The following TAF4B variants were observed in gnomAD, a reference collection of about 807,000 sequenced individuals.
TAF4B encodes the protein TATA-box binding protein associated factor 4b, also known as transcription initiation factor TFIID subunit 4B.
TAF4B carries 38 observed loss-of-function variants against 86.4 expected under a neutral mutation model. The observed-to-expected ratio is 0.44, with a 90% CI of 0.34 to 0.58. The LOEUF (loss-of-function observed/expected upper bound fraction) is 0.58. Among genes scored for constraint, TAF4B ranks in the 20% least tolerant of loss-of-function variants. TAF4B has a pLI of 0.02. For missense variants in TAF4B, 988 were observed against 1,027.6 expected, an observed-to-expected ratio of 0.96 and a Z score of 0.53; for synonymous variants, 388 against 391.2, an observed-to-expected ratio of 0.99 and a Z score of 0.10.
chr18:26,369,064 G>A (rs1343364118), intron 14 of TAF4B, among the ~76,000 whole-genome samples: 3 of 152,134 alleles, frequency 2.0e-5, no homozygotes, highest in Non-Finnish European at 4.4e-5. Flanking sequence ...ACTAGCCTAA[G>A]AGAGGAAAGA....
chr18:26,257,846 T>C (rs58825032), intron 1 of TAF4B, among the ~76,000 whole-genome samples: 29 of 48,270 alleles, frequency 6.0e-4, no homozygotes, highest in African/African-American at 1.4e-3. Flanking sequence ...TGCGTGCGTG[T>C]GTGTGTGTGT....
chr18:26,242,411 G>A (rs1484680555), intron 1 of TAF4B, among the ~76,000 whole-genome samples: 1 of 152,094 alleles, frequency 6.6e-6, no homozygotes, highest in African/African-American at 2.4e-5. Context: ...TGCAACCCTT[G>A]CCTTTTTTCG....
intron 14 of TAF4B, among the ~76,000 whole-genome samples, chr18:26,380,458 A>T (rs2057470632): frequency 6.6e-6 from 1 of 152,064 alleles, no homozygotes; most frequent in Admixed American, 6.5e-5. Flanking sequence ...TGGTGTTTTC[A>T]TTGTGGTCAG....
intron 7 of TAF4B, 112 bp from the exon 8 acceptor site, chr18:26,292,134 A>G: frequency 8.2e-7 from 1 of 1,214,308 alleles, no homozygotes; most frequent in Non-Finnish European, 1.1e-6. Context: ...TCTTGTTAAG[A>G]TAAAGGTATA....
At chr18:26,376,211 CTTG>C (rs2057441867) in intron 14 of TAF4B, among the ~76,000 whole-genome samples, 1 of 142,440 alleles carries the variant, frequency 7.0e-6, no homozygotes, top group Non-Finnish European at 1.5e-5. Flanking sequence ...TTAGGATCAG[CTTG>C]TTAATTTCAA....
intron 5 of TAF4B, among the ~76,000 whole-genome samples, chr18:26,280,371 A>G (rs1179140811): frequency 6.6e-6 from 1 of 152,216 alleles, no homozygotes; most frequent in African/African-American, 2.4e-5. Flanking sequence ...AACAGAGTAA[A>G]CAGACCACCT....
In TAF4B at chr18:26,286,388, C is replaced by T. The variant is rs2056523649; in HGVS notation, c.1479C>T (p.Thr493=). 6.2e-7 allele frequency: 1 copy of T among 1,614,088 alleles called. No homozygotes were observed. The highest frequency in any genetic ancestry group is 8.5e-7 in the Non-Finnish European group (1 of 1,180,048). Residue 493 remains threonine, a synonymous_variant, in exon 7 of 15, where the codon ACC becomes ACT. Coordinates refer to ENST00000269142, the MANE Select transcript of TAF4B (RefSeq NM_005640.3). The part of the protein sequence containing the change: ...SVKPVVSSAG[T]TSDKPVIGTP... The stretch of plus-strand genomic sequence containing the variant: ...AACCTGTTGTTTCTTCTGCTGGGAC[C>T]ACATCTGACAAGCCTGTTATTGGGA...
rs1357236234 is a variant in TAF4B at position 26,346,795 on chromosome 18, A to ATGTG, written c.2317-10894_2317-10893insGTGT. ...TATATGTGTGTGTATATATATATAT[A>ATGTG]TATGTGTATATATATATATATGTGT... On this transcript the variant is annotated intron_variant, in intron 13 of 14. Coordinates refer to ENST00000269142, the MANE Select transcript of TAF4B (RefSeq NM_005640.3). 4.2e-3 allele frequency among the ~76,000 whole-genome samples: 106 copies of ATGTG among 25,056 alleles called. 13 individuals are homozygous for ATGTG. Among genetic ancestry groups the ATGTG allele is most frequent in the African/African-American group, 9.7e-3 (102 of 10,568 alleles). 16.4% of individuals were successfully genotyped at this position (25,056 alleles called of 152,430 possible).
chr18:26,327,449 G>C (rs976078372), intron 12 of TAF4B, among the ~76,000 whole-genome samples: 1 of 152,200 alleles, frequency 6.6e-6, no homozygotes, highest in African/African-American at 2.4e-5. Context: ...ATGCCAAGTT[G>C]AAGTTGATAG....
At chr18:26,262,834 G>C (rs940163225) in intron 1 of TAF4B, among the ~76,000 whole-genome samples, 1 of 152,092 alleles carries the variant, frequency 6.6e-6, no homozygotes, top group African/African-American at 2.4e-5. Context: ...CACCAGTTAT[G>C]CCTATTTTAC....
Position 26,259,242 on chromosome 18 carries a change from C to G in TAF4B, c.344-5928C>G, listed in dbSNP as rs2056129127. Among the ~76,000 whole-genome samples the G allele has an allele frequency of 5.4e-5, 8 of 148,046 alleles. No individual in the cohort carries two copies. In the South Asian group the frequency reaches 1.7e-3, roughly 32 times the overall value. On this transcript the variant is annotated intron_variant, in intron 1 of 14. Transcript: ENST00000269142. ...ACTAACATTATGCCTATGTTGGTGT[C>G]TTTAATGGTGTTCCATGTTTTCTGA...
chr18:26,303,416 C>T (rs1232157404), intron 9 of TAF4B, among the ~76,000 whole-genome samples: 1 of 113,334 alleles, frequency 8.8e-6, no homozygotes, highest in African/African-American at 3.2e-5. Flanking sequence ...CACTTTCATC[C>T]TCCCTCCACT....
At chr18:26,383,827 A>G (rs985081315) in intron 14 of TAF4B, among the ~76,000 whole-genome samples, 9 of 152,196 alleles carry the variant, frequency 5.9e-5, no homozygotes, top group African/African-American at 2.2e-4. Context: ...AATAAAATGA[A>G]GGTGATAAAG....
intron 13 of TAF4B, among the ~76,000 whole-genome samples, chr18:26,349,970 TCTC>T (rs1164614599): frequency 3.3e-5 from 5 of 152,118 alleles, no homozygotes; most frequent in East Asian, 3.9e-4. Context: ...GAAAGCATGT[TCTC>T]CTCAAAAAAT....
intron 9 of TAF4B, among the ~76,000 whole-genome samples, chr18:26,300,037 G>C (rs1480047970): frequency 6.6e-6 from 1 of 152,032 alleles, no homozygotes; most frequent in African/African-American, 2.4e-5. Flanking sequence ...GTCTCACTCT[G>C]TGGCCCAGAT....
At chr18:26,355,313 A>T (rs545779322) in intron 13 of TAF4B, among the ~76,000 whole-genome samples, 157 of 152,304 alleles carry the variant, frequency 1.0e-3, no homozygotes, top group African/African-American at 3.8e-3. Context: ...CTGCACAGAT[A>T]ATCGTATCAT....
intron 13 of TAF4B, among the ~76,000 whole-genome samples, chr18:26,350,940 A>G (rs1464317411): frequency 6.6e-6 from 1 of 152,270 alleles, no homozygotes; most frequent in Non-Finnish European, 1.5e-5. Context: ...GTAAACTAGT[A>G]TAGCCACTGT....
intron 9 of TAF4B, among the ~76,000 whole-genome samples, chr18:26,306,389 T>C (rs904793889): frequency 3.3e-5 from 5 of 152,194 alleles, no homozygotes; most frequent in Admixed American, 3.3e-4. Flanking sequence ...CACAGTGATA[T>C]CTGCTGTCTT....
chr18:26,343,874 A>G (rs1420131207), intron 13 of TAF4B, among the ~76,000 whole-genome samples: 2 of 152,242 alleles, frequency 1.3e-5, no homozygotes, highest in Non-Finnish European at 2.9e-5. Context: ...TATTCAGGAT[A>G]CAATACAAAA....
Sources: gnomAD v4.1 joint callset for allele counts (sites outside exome capture counted in the v4.1 genomes callset) on GRCh38, gnomAD v4.1.1 for gene constraint, MANE v1.5 for transcripts, NCBI Gene and HGNC (gene_info 2026-07-23, HGNC 2026-07-21) for gene names.